LHFPL3: variants seen among roughly 807,000 people sequenced by gnomAD.
The protein encoded by LHFPL3 is LHFPL tetraspan subfamily member 3.
A neutral mutation model predicts 19.3 loss-of-function variants in LHFPL3; 5 were observed. The observed-to-expected ratio is 0.26, with a 90% confidence interval of 0.14 to 0.54. The LOEUF is 0.54. LHFPL3 is among the 20% of genes least tolerant of loss of function. LHFPL3 has a pLI of 0.94. For missense variants in LHFPL3, 249 were observed against 307.4 expected, an observed-to-expected ratio of 0.81 and a Z score of 1.42; for synonymous variants, 133 against 126.2, an observed-to-expected ratio of 1.05 and a Z score of -0.36.
At chr7:104,675,024 G>T (rs1335646807) in intron 1 of LHFPL3, among the ~76,000 whole-genome samples, 1 of 152,174 alleles carries the variant, frequency 6.6e-6, no homozygotes, top group Non-Finnish European at 1.5e-5. Flanking sequence ...TGGAGAAAAC[G>T]TTTTGATGCG....
chr7:104,802,639 T>G (rs986988679), intron 2 of LHFPL3, among the ~76,000 whole-genome samples: 1 of 152,046 alleles, frequency 6.6e-6, no homozygotes, highest in African/African-American at 2.4e-5. Context: ...TCCCAGGCTC[T>G]AAAATTGTAA....
At position 104,845,303 on chromosome 7, in the gene LHFPL3, CAGTTTT is replaced by C. The variant is rs1008021279; in HGVS notation, c.683-60882_683-60877del. On this transcript the variant is annotated intron_variant, in intron 2 of 2. Transcript: ENST00000424859. ...ATGGAATAGCCAGGAATGACGTTGT[CAGTTTT>C]AATCTTTAAAAAATGAAGTGTGAGC... 82 of 802,298 alleles carry C rather than the reference CAGTTTT, an allele frequency of 1.0e-4. No homozygotes were observed. In the African/African-American group the frequency reaches 1.3e-3, roughly 13 times the overall value. 49.7% of individuals were successfully genotyped at this position (802,298 alleles called of 1,614,324 possible).
At chr7:104,791,511 G>C (rs936681041) in intron 2 of LHFPL3, among the ~76,000 whole-genome samples, 3 of 151,996 alleles carry the variant, frequency 2.0e-5, no homozygotes, top group African/African-American at 7.3e-5. Flanking sequence ...GTAGTTCAGG[G>C]GTCTTCCCAC....
intron 1 of LHFPL3, chr7:104,668,595 A>G (rs935309286): frequency 1.2e-5 from 19 of 1,612,620 alleles, no homozygotes; most frequent in Non-Finnish European, 1.5e-5. Context: ...TGGGTATCGC[A>G]GGGATGATGA....
At chr7:104,734,643 A>G (rs1793770355) in intron 1 of LHFPL3, among the ~76,000 whole-genome samples, 1 of 152,102 alleles carries the variant, frequency 6.6e-6, no homozygotes, top group Admixed American at 6.5e-5. Context: ...AAGGTTTTTA[A>G]CTTCTTTGCC....
chr7:104,429,460 A>T (rs954018206), intron 1 of LHFPL3, among the ~76,000 whole-genome samples: 6 of 150,608 alleles, frequency 4.0e-5, no homozygotes, highest in Non-Finnish European at 8.9e-5. Flanking sequence ...GGTGCCCACA[A>T]CTATGCCAGG....
chr7:104,713,087 G>A (rs1793325162), intron 1 of LHFPL3, among the ~76,000 whole-genome samples: 1 of 152,154 alleles, frequency 6.6e-6, no homozygotes, highest in African/African-American at 2.4e-5. Flanking sequence ...GGCTACTCTA[G>A]ATTGTTCTCA....
At chr7:104,467,352 A>C (rs1456617282) in intron 1 of LHFPL3, among the ~76,000 whole-genome samples, 3 of 152,206 alleles carry the variant, frequency 2.0e-5, no homozygotes, top group Non-Finnish European at 4.4e-5. Flanking sequence ...CAGCAACTTA[A>C]TAACATGGGG....
In LHFPL3 at chr7:104,824,288, A is replaced by AATATATATTATATATTATATACAATAT. The variant is rs1407868385; in HGVS notation, c.683-81893_683-81892insATTATATATTATATACAATATATATAT. Reference sequence around the variant, plus strand: ...ATTATATATTATATACAATATATATAATATATTATATATTATATATAATTA... The same window carrying AATATATATTATATATTATATACAATAT: ...ATTATATATTATATACAATATATATAATATATATTATATATTATATACAATATATATATTATATATTATATATAATTA... On this transcript the variant is annotated intron_variant, in intron 2 of 2. Transcript: ENST00000424859. Among the ~76,000 whole-genome samples the AATATATATTATATATTATATACAATAT allele has an allele frequency of 7.7e-4, 12 of 15,598 alleles. 1 individual carries two copies. The Admixed American group carries it at 0.011, about 14-fold the overall frequency. 10.2% of individuals were successfully genotyped at this position (15,598 alleles called of 152,430 possible).
At chr7:104,459,608 CTGTGTAA>C (rs1477761090) in intron 1 of LHFPL3, among the ~76,000 whole-genome samples, 1 of 152,184 alleles carries the variant, frequency 6.6e-6, no homozygotes. Context: ...TTGTTCCTAG[CTGTGTAA>C]CACATCACTC....
rs142024998 is a variant in LHFPL3, at chr7:104,339,520, A to G, written c.445+10296A>G. On this transcript the variant is annotated intron_variant, in intron 1 of 2. Transcript: ENST00000424859. The stretch of plus-strand genomic sequence containing the variant: ...AGAGATTCAGAGTCTTGCCAAAAGA[A>G]TACCTTGGAAAAATTGAGATCAACA... Among the ~76,000 whole-genome samples the G allele has an allele frequency of 4.5e-4, 68 of 151,502 alleles. 1 individual carries two copies. In the South Asian group the frequency reaches 0.013, roughly 28 times the overall value.
chr7:104,584,765 A>C (rs1375129223), intron 1 of LHFPL3, among the ~76,000 whole-genome samples: 3 of 152,148 alleles, frequency 2.0e-5, no homozygotes, highest in African/African-American at 4.8e-5. Context: ...ATAAGTCGTC[A>C]AACTAAAAGA....
intron 1 of LHFPL3, among the ~76,000 whole-genome samples, chr7:104,629,703 ATT>A (rs1791606359): frequency 6.6e-6 from 1 of 152,148 alleles, no homozygotes; most frequent in Non-Finnish European, 1.5e-5. Context: ...TGAGAAAACT[ATT>A]TAAGATTCTA....
intron 1 of LHFPL3, among the ~76,000 whole-genome samples, chr7:104,438,308 T>C (rs940467120): frequency 1.3e-5 from 2 of 152,234 alleles, no homozygotes; most frequent in African/African-American, 4.8e-5. Flanking sequence ...TTCTCTGTAA[T>C]CTTACCTTGG....
At chr7:104,508,615 AAAAT>A (rs1562919987) in intron 1 of LHFPL3, among the ~76,000 whole-genome samples, 2 of 121,484 alleles carry the variant, frequency 1.6e-5, no homozygotes, top group African/African-American at 2.9e-5. Context: ...ATAATAAAAA[AAAAT>A]ATATATATAT....
chr7:104,353,006 G>T (rs7788386), intron 1 of LHFPL3, among the ~76,000 whole-genome samples: 1 of 152,106 alleles, frequency 6.6e-6, no homozygotes, highest in African/African-American at 2.4e-5. Flanking sequence ...AGGGCTACCC[G>T]GAAAGGCGAT....
At chr7:104,384,321 T>C (rs1381012223) in intron 1 of LHFPL3, among the ~76,000 whole-genome samples, 2 of 152,082 alleles carry the variant, frequency 1.3e-5, no homozygotes, top group Non-Finnish European at 1.5e-5. Flanking sequence ...TTAGACAGTT[T>C]TGTTGACATG....
intron 1 of LHFPL3, among the ~76,000 whole-genome samples, chr7:104,718,949 A>G (rs1165898335): frequency 6.6e-6 from 1 of 152,150 alleles, no homozygotes; most frequent in Admixed American, 6.6e-5. Context: ...TCCTGTTCAT[A>G]TGGAGAATTA....
chr7:104,867,402 A>G (rs1423639645), intron 2 of LHFPL3, among the ~76,000 whole-genome samples: 1 of 152,216 alleles, frequency 6.6e-6, no homozygotes, highest in Non-Finnish European at 1.5e-5. Flanking sequence ...GGATATCACC[A>G]CCAATCCCAC....
Sources: allele counts gnomAD v4.1 joint callset (sites outside exome capture counted in the v4.1 genomes callset), GRCh38; gene constraint gnomAD v4.1.1; transcripts MANE v1.5; gene names NCBI Gene and HGNC (gene_info 2026-07-23, HGNC 2026-07-21).